The following PALM2AKAP2 variants were observed in gnomAD, a reference collection of about 807,000 sequenced individuals.
PALM2AKAP2 encodes PALM2 and AKAP2 fusion, also known as PALM2-AKAP2 fusion protein.
In PALM2AKAP2, 37 loss-of-function variants were observed where a neutral mutation model predicts 71.5. That is an observed-to-expected ratio of 0.52 (90% CI 0.40 to 0.68). The LOEUF is 0.68. Ranked by LOEUF, PALM2AKAP2 falls within the 30% of genes least tolerant of loss-of-function variation. The probability of loss-of-function intolerance (pLI) is 0.00; values close to 1 mark genes in which losing one functional copy is unlikely to be tolerated. For missense variants in PALM2AKAP2, 1,224 were observed against 1,191.8 expected (o/e 1.03, Z -0.40); for synonymous variants, 468 against 478.8 (o/e 0.98, Z 0.29).
chr9:109,907,834 G>A (rs899775790), intron 3 of PALM2AKAP2, among the ~76,000 whole-genome samples: 22 of 152,228 alleles, frequency 1.4e-4, no homozygotes, highest in Non-Finnish European at 2.5e-4. Context: ...GTTCTCTTGA[G>A]GAAGAGCAGT....
chr9:109,863,853 G>T (rs1167389835), intron 1 of PALM2AKAP2, among the ~76,000 whole-genome samples: 4 of 152,172 alleles, frequency 2.6e-5, no homozygotes, highest in Admixed American at 1.3e-4. Context: ...ACTGAGGTGG[G>T]TGGATCACCT....
intron 6 of PALM2AKAP2, among the ~76,000 whole-genome samples, chr9:109,952,258 T>C (rs953153603): frequency 3.3e-5 from 5 of 152,220 alleles, no homozygotes; most frequent in African/African-American, 1.2e-4. Flanking sequence ...TGCCAACCCC[T>C]GGCCTCAAAC....
At chr9:109,931,081 G>A (rs778008070) in intron 5 of PALM2AKAP2, among the ~76,000 whole-genome samples, 6 of 152,136 alleles carry the variant, frequency 3.9e-5, no homozygotes, top group Non-Finnish European at 8.8e-5. Flanking sequence ...CCAGCTTTCC[G>A]GAATCTTCCT....
intron 7 of PALM2AKAP2, among the ~76,000 whole-genome samples, chr9:110,026,995 A>T (rs1181557452): frequency 6.6e-6 from 1 of 152,202 alleles, no homozygotes; most frequent in African/African-American, 2.4e-5. Flanking sequence ...GTGAGCCGAG[A>T]TCGCGCCACT....
chr9:109,966,693 A>G (rs1001987387), intron 6 of PALM2AKAP2, among the ~76,000 whole-genome samples: 6 of 152,224 alleles, frequency 3.9e-5, no homozygotes, highest in African/African-American at 1.4e-4. Context: ...TGGTGTTTGA[A>G]TATTTTAAAG....
chr9:109,766,313 C>T (rs1289478027), intron 1 of PALM2AKAP2, among the ~76,000 whole-genome samples: 1 of 152,204 alleles, frequency 6.6e-6, no homozygotes, highest in African/African-American at 2.4e-5. Flanking sequence ...TTCCAAACAT[C>T]ATTAAATGCC....
intron 1 of PALM2AKAP2, among the ~76,000 whole-genome samples, chr9:110,066,406 G>A (rs979342912): frequency 1.3e-5 from 2 of 152,156 alleles, no homozygotes; most frequent in African/African-American, 4.8e-5. Context: ...GTGAGTAAAT[G>A]TAAGTAAAAG....
chr9:109,835,062 C>T (rs960049192), intron 1 of PALM2AKAP2, among the ~76,000 whole-genome samples: 1 of 151,956 alleles, frequency 6.6e-6, no homozygotes, highest in African/African-American at 2.4e-5. Context: ...TCTGAGGCTG[C>T]CTGACTGCTT....
intron 1 of PALM2AKAP2, among the ~76,000 whole-genome samples, chr9:109,827,986 C>A (rs1828199903): frequency 6.6e-6 from 1 of 152,184 alleles, no homozygotes; most frequent in Admixed American, 6.5e-5. Flanking sequence ...GTAGAGCCAG[C>A]TTTTATTGAG....
chr9:110,020,268 A>G (rs1225098617), intron 7 of PALM2AKAP2, among the ~76,000 whole-genome samples: 1 of 152,228 alleles, frequency 6.6e-6, no homozygotes, highest in Non-Finnish European at 1.5e-5. Flanking sequence ...TGAAAAAGGA[A>G]TACAATGTTT....
intron 1 of PALM2AKAP2, among the ~76,000 whole-genome samples, chr9:109,670,769 T>G (rs1827560528): frequency 6.6e-6 from 1 of 152,224 alleles, no homozygotes; most frequent in South Asian, 2.1e-4. Flanking sequence ...CTCCACAACC[T>G]CACCAGCATC....
intron 2 of PALM2AKAP2, among the ~76,000 whole-genome samples, chr9:109,868,009 A>G (rs1829502461): frequency 2.0e-5 from 3 of 152,114 alleles, no homozygotes; most frequent in South Asian, 2.1e-4. Context: ...TGATATGGAG[A>G]AAAGGGAGAT....
chr9:110,156,542 A>G (rs749927753), intron 3 of PALM2AKAP2, 45 bp downstream of exon 9: 14 of 1,547,974 alleles, frequency 9.0e-6, no homozygotes, highest in African/African-American at 4.1e-5. Flanking sequence ...GAGCGCGGCC[A>G]TCGGTGTGGC....
At chr9:109,862,416 A>G (rs1172494728) in intron 1 of PALM2AKAP2, among the ~76,000 whole-genome samples, 2 of 152,128 alleles carry the variant, frequency 1.3e-5, no homozygotes, top group South Asian at 2.1e-4. Flanking sequence ...ATTTTCTTCA[A>G]TGTAGATGCA....
chr9:110,034,012 C>T (rs577830999), intron 7 of PALM2AKAP2, among the ~76,000 whole-genome samples: 5 of 152,280 alleles, frequency 3.3e-5, no homozygotes, highest in African/African-American at 9.6e-5. Flanking sequence ...TATGGAAGGT[C>T]CTGCTCAGAA....
intron 1 of PALM2AKAP2, among the ~76,000 whole-genome samples, chr9:110,110,210 C>A (rs1835214727): frequency 1.3e-5 from 2 of 152,124 alleles, no homozygotes; most frequent in Non-Finnish European, 1.5e-5. Context: ...GTATACACTT[C>A]TTTTTTCTTA....
At chr9:109,964,350 C>A (rs560152315) in intron 6 of PALM2AKAP2, among the ~76,000 whole-genome samples, 13 of 151,692 alleles carry the variant, frequency 8.6e-5, no homozygotes, top group African/African-American at 2.9e-4. Context: ...TTGATCAGGG[C>A]AGATTGTGCC....
At chr9:110,065,129 C>T (rs762516124) in intron 1 of PALM2AKAP2, among the ~76,000 whole-genome samples, 2 of 152,198 alleles carry the variant, frequency 1.3e-5, no homozygotes, top group African/African-American at 4.8e-5. Flanking sequence ...GTGACAGCAG[C>T]CTGACAGCCC....
At chr9:110,102,461 A>G (rs1220034811) in intron 1 of PALM2AKAP2, among the ~76,000 whole-genome samples, 1 of 152,246 alleles carries the variant, frequency 6.6e-6, no homozygotes, top group Non-Finnish European at 1.5e-5. Context: ...TGTTACCTCC[A>G]GAGCTGGATT....
Sources: allele counts gnomAD v4.1 joint callset (sites outside exome capture counted in the v4.1 genomes callset), GRCh38; gene constraint gnomAD v4.1.1; transcripts MANE v1.5; gene names NCBI Gene and HGNC (gene_info 2026-07-23, HGNC 2026-07-21).